SAMTOR: variants seen among roughly 807,000 people sequenced by gnomAD.
SAMTOR encodes S-adenosylmethionine sensor upstream of mTORC1.
the SAMTOR span, among the ~76,000 whole-genome samples, chr7:112,846,338 A>T: frequency 6.6e-6 from 1 of 152,062 alleles, no homozygotes; most frequent in Non-Finnish European, 1.5e-5. Flanking sequence ...ATAAAGAGGG[A>T]AACAACAGAC....
At chr7:112,895,645 A>C in the SAMTOR span, 1 of 1,598,908 alleles carries the variant, frequency 6.3e-7, no homozygotes, top group Non-Finnish European at 8.6e-7. Context: ...TGCATATTTA[A>C]GGCTGGAGTG....
At chr7:112,939,508 G>T in the SAMTOR span, 1 of 1,594,024 alleles carries the variant, frequency 6.3e-7, no homozygotes, top group Non-Finnish European at 8.6e-7. Flanking sequence ...TTTAATGGTG[G>T]CCTCTTTGGA....
At chr7:112,865,596 T>C in the SAMTOR span, among the ~76,000 whole-genome samples, 31 of 147,830 alleles carry the variant, frequency 2.1e-4, no homozygotes, top group African/African-American at 7.6e-4. Flanking sequence ...TTCATATATA[T>C]ATATATTTCA....
At chr7:112,823,527 C>T in the SAMTOR span, among the ~76,000 whole-genome samples, 99 of 152,184 alleles carry the variant, frequency 6.5e-4, 1 homozygote, top group African/African-American at 2.3e-3. Context: ...AATGGTATCC[C>T]ATTGTATCAA....
At chr7:112,933,209 T>C in the SAMTOR span, among the ~76,000 whole-genome samples, 1 of 152,310 alleles carries the variant, frequency 6.6e-6, no homozygotes, top group East Asian at 1.9e-4. Flanking sequence ...CCAAAAGTAC[T>C]GTATGATAAA....
At chr7:112,820,389 CACA>C in the SAMTOR span, 2,014 of 152,222 alleles carry the variant, frequency 0.013, 23 homozygotes, top group Non-Finnish European at 0.022. Flanking sequence ...CAAACATACG[CACA>C]ACATTAACCA....
chr7:112,914,502 T>C, the SAMTOR span, among the ~76,000 whole-genome samples: 2 of 152,100 alleles, frequency 1.3e-5, no homozygotes, highest in Non-Finnish European at 2.9e-5. Flanking sequence ...TATTTCATTT[T>C]CTGATATTTT....
the SAMTOR span, among the ~76,000 whole-genome samples, chr7:112,900,768 A>G: frequency 6.6e-6 from 1 of 152,216 alleles, no homozygotes; most frequent in Non-Finnish European, 1.5e-5. Context: ...AAAAAGGAGC[A>G]AAGGCAATAC....
chr7:112,928,907 C>T, the SAMTOR span, among the ~76,000 whole-genome samples: 373 of 151,704 alleles, frequency 2.5e-3, 1 homozygote, highest in Middle Eastern at 0.017. Flanking sequence ...CAGATCTTTT[C>T]GAAAAATTTA....
At chr7:112,821,304 A>G in the SAMTOR span, 1 of 153,110 alleles carries the variant, frequency 6.5e-6, no homozygotes, top group African/African-American at 2.4e-5. Flanking sequence ...GTGCATCACA[A>G]AACAACTAAC....
At chr7:112,820,415 CTG>C in the SAMTOR span, 2 of 152,100 alleles carry the variant, frequency 1.3e-5, no homozygotes, top group Non-Finnish European at 2.9e-5. Flanking sequence ...AAATCTGAAA[CTG>C]TGATATTTCA....
the SAMTOR span, among the ~76,000 whole-genome samples, chr7:112,830,268 C>A: frequency 6.6e-6 from 1 of 152,006 alleles, no homozygotes; most frequent in Non-Finnish European, 1.5e-5. Context: ...AAAATTATTT[C>A]GAATATTTTG....
the SAMTOR span, among the ~76,000 whole-genome samples, chr7:112,867,676 AATAAT>A: frequency 6.6e-6 from 1 of 152,236 alleles, no homozygotes; most frequent in Non-Finnish European, 1.5e-5. Context: ...TAAAACATGG[AATAAT>A]ATTCTAAAAA....
At chr7:112,884,467 G>C in the SAMTOR span, among the ~76,000 whole-genome samples, 1,619 of 152,210 alleles carry the variant, frequency 0.011, 29 homozygotes, top group African/African-American at 0.037. Context: ...GGGGGTACAG[G>C]CACTGGGTAA....
At chr7:112,892,228 T>A in the SAMTOR span, among the ~76,000 whole-genome samples, 1 of 152,198 alleles carries the variant, frequency 6.6e-6, no homozygotes. Flanking sequence ...TTCAGTCCCA[T>A]CTTCAGGCTC....
the SAMTOR span, among the ~76,000 whole-genome samples, chr7:112,903,319 A>C: frequency 2.6e-5 from 4 of 152,160 alleles, no homozygotes; most frequent in African/African-American, 9.7e-5. Flanking sequence ...TCAAAACAAA[A>C]AAAAAAAGTC....
chr7:112,890,972 G>A, the SAMTOR span, among the ~76,000 whole-genome samples: 2 of 152,116 alleles, frequency 1.3e-5, no homozygotes, highest in African/African-American at 2.4e-5. Flanking sequence ...TTACAGGCAT[G>A]AGCCAATGTG....
the SAMTOR span, among the ~76,000 whole-genome samples, chr7:112,902,610 C>G: frequency 6.6e-6 from 1 of 151,710 alleles, no homozygotes; most frequent in Non-Finnish European, 1.5e-5. Context: ...AAGAATGAAC[C>G]CTATGGTAAA....
the SAMTOR span, among the ~76,000 whole-genome samples, chr7:112,875,241 T>C: frequency 4.6e-5 from 7 of 152,308 alleles, no homozygotes; most frequent in Non-Finnish European, 7.3e-5. Flanking sequence ...CAAAATTCCC[T>C]TGATCTTTAG....
Sources: gnomAD v4.1 joint callset for allele counts (sites outside exome capture counted in the v4.1 genomes callset) on GRCh38, gnomAD v4.1.1 for gene constraint, MANE v1.5 for transcripts, NCBI Gene and HGNC (gene_info 2026-07-23, HGNC 2026-07-21) for gene names.